Variants in SLC7A2 observed in about 807,000 individuals in gnomAD.
SLC7A2 encodes the protein solute carrier family 7 member 2, also known as cationic amino acid transporter 2.
SLC7A2 carries 48 observed loss-of-function variants against 58.9 expected under a neutral mutation model. The ratio of observed to expected loss-of-function variants is 0.82; its 90% CI spans 0.65 to 1.04. The LOEUF (loss-of-function observed/expected upper bound fraction) is 1.04, where lower values mean the gene tolerates loss of function less well. Among genes scored for constraint, SLC7A2 ranks in the 50% least tolerant of loss-of-function variants. The pLI is 0.00. For synonymous variants in SLC7A2, 363 were observed against 314.5 expected, an observed-to-expected ratio of 1.15 and a Z score of -1.63; for missense variants, 1,029 against 818.8, an observed-to-expected ratio of 1.26 and a Z score of -3.13.
chr8:17,523,844 A>G (rs1157240358), intron 2 of SLC7A2, among the ~76,000 whole-genome samples: 1 of 152,180 alleles, frequency 6.6e-6, no homozygotes, highest in African/African-American at 2.4e-5. Flanking sequence ...AATGGGAGAA[A>G]ACTTTCACAG....
At chr8:17,509,347 G>A (rs944242938) in intron 2 of SLC7A2, among the ~76,000 whole-genome samples, 16 of 151,782 alleles carry the variant, frequency 1.1e-4, no homozygotes, top group East Asian at 9.7e-4. Context: ...TCGCTCTGTC[G>A]CCCGTTGGAG....
intron 2 of SLC7A2, among the ~76,000 whole-genome samples, chr8:17,505,802 A>C (rs895989774): frequency 1.3e-5 from 2 of 152,218 alleles, no homozygotes; most frequent in Admixed American, 1.3e-4. Context: ...TCTTGTAGAA[A>C]TCTCTGAGAT....
chr8:17,534,728 A>G (rs1028327706), intron 2 of SLC7A2, among the ~76,000 whole-genome samples: 2 of 150,078 alleles, frequency 1.3e-5, no homozygotes, highest in Non-Finnish European at 3.0e-5. Context: ...ACAAAACAGT[A>G]CCCTCCTTGC....
At chr8:17,522,446 G>A (rs752559224) in intron 2 of SLC7A2, among the ~76,000 whole-genome samples, 9 of 152,162 alleles carry the variant, frequency 5.9e-5, no homozygotes, top group Non-Finnish European at 1.3e-4. Context: ...AAGCAGGACT[G>A]AACCTGCATC....
At chr8:17,538,407 A>G (rs899223053) in intron 2 of SLC7A2, among the ~76,000 whole-genome samples, 1 of 152,164 alleles carries the variant, frequency 6.6e-6, no homozygotes, top group African/African-American at 2.4e-5. Context: ...GTGTTTTTCC[A>G]GAAAGATTCA....
Position 17,557,790 on chromosome 8 carries a change from T to A in SLC7A2, c.1196-505T>A, listed in dbSNP as rs1802779472. ...TTGCAGTAAGCCGAGATCGCACCAC[T>A]GCACTCCACCCTGGGTGACAAAGTG... On this transcript the variant is annotated intron_variant, in intron 8 of 12. Transcript: ENST00000494857. Among the ~76,000 whole-genome samples the A allele has an allele frequency of 2.0e-5, 3 of 152,120 alleles. No homozygotes were observed. In the South Asian group the frequency reaches 6.2e-4, roughly 31 times the overall value.
intron 8 of SLC7A2, among the ~76,000 whole-genome samples, chr8:17,556,248 A>G (rs1201836372): frequency 1.3e-5 from 2 of 152,128 alleles, no homozygotes; most frequent in Non-Finnish European, 2.9e-5. Flanking sequence ...ATTTTTTGAC[A>G]AAGAGTCATA....
chr8:17,504,302 T>G (rs996561672), intron 2 of SLC7A2, among the ~76,000 whole-genome samples: 2 of 152,188 alleles, frequency 1.3e-5, no homozygotes, highest in African/African-American at 4.8e-5. Context: ...TGAGATCTTG[T>G]GGCTCTCCTG....
intron 8 of SLC7A2, among the ~76,000 whole-genome samples, chr8:17,557,379 G>C (rs918831692): frequency 6.6e-6 from 1 of 152,078 alleles, no homozygotes; most frequent in Admixed American, 6.6e-5. Flanking sequence ...TTGTCTCTTA[G>C]TATTTTGGGA....
At chr8:17,518,062 A>G (rs1399557802) in intron 2 of SLC7A2, among the ~76,000 whole-genome samples, 1 of 152,212 alleles carries the variant, frequency 6.6e-6, no homozygotes, top group Non-Finnish European at 1.5e-5. Context: ...AAGACATAAT[A>G]GGAAAGCAAT....
chr8:17,498,588 T>C (rs553203371), intron 1 of SLC7A2: 2 of 152,380 alleles, frequency 1.3e-5, no homozygotes, highest in African/African-American at 4.8e-5. Context: ...TTGCCTGCTC[T>C]GGGAGGCCAC....
intron 2 of SLC7A2, chr8:17,511,321 T>G (rs1256754108): frequency 2.0e-5 from 3 of 152,194 alleles, no homozygotes; most frequent in Admixed American, 1.3e-4. Flanking sequence ...TCTTCATCCC[T>G]AGTCCTGCAG....
chr8:17,511,288 A>C (rs1800594958), intron 2 of SLC7A2: 1 of 152,192 alleles, frequency 6.6e-6, no homozygotes. Context: ...TATAGAAAAA[A>C]GTTAAGCATT....
chr8:17,505,543 C>T (rs1277650240), intron 2 of SLC7A2, among the ~76,000 whole-genome samples: 1 of 152,152 alleles, frequency 6.6e-6, no homozygotes, highest in East Asian at 1.9e-4. Context: ...TGATCTCCAG[C>T]CTCGCCATCT....
In SLC7A2 at chr8:17,538,898, C is replaced by T. The variant is rs530793445; in HGVS notation, c.-22-4420C>T. On this transcript the variant is annotated intron_variant, in intron 2 of 12. Transcript: ENST00000494857. Reference sequence around the variant, plus strand: ...GGGTTTATTGGAACACCTGCCCCACCGGTTTGCGACAGCAAGTTTCTCCTG... The same window carrying T: ...GGGTTTATTGGAACACCTGCCCCACTGGTTTGCGACAGCAAGTTTCTCCTG... 11 of 1,613,614 alleles carry T rather than the reference C, an allele frequency of 6.8e-6. No individual in the cohort carries two copies. In the African/African-American group the frequency reaches 8.0e-5, roughly 12 times the overall value.
intron 2 of SLC7A2, among the ~76,000 whole-genome samples, chr8:17,511,532 G>T (rs1284334415): frequency 1.3e-5 from 2 of 152,122 alleles, no homozygotes; most frequent in Non-Finnish European, 2.9e-5. Flanking sequence ...TTGACATCCT[G>T]TTATTACATT....
intron 9 of SLC7A2, 141 bp downstream of exon 9, chr8:17,558,538 A>C: frequency 1.9e-6 from 1 of 522,072 alleles, no homozygotes; most frequent in Non-Finnish European, 3.4e-6. Flanking sequence ...ATAGCAATGA[A>C]AAGTGGAAGA....
chr8:17,513,422 C>G (rs1800683161), intron 2 of SLC7A2, among the ~76,000 whole-genome samples: 1 of 152,286 alleles, frequency 6.6e-6, no homozygotes, highest in South Asian at 2.1e-4. Flanking sequence ...AAACCAGAAT[C>G]ATCCACTTTT....
In SLC7A2 at chr8:17,538,437, A is replaced by G. The variant is rs575733244; in HGVS notation, c.-22-4881A>G. Reference sequence around the variant, plus strand: ...GATTCAGGCTTAAGTACTGAATGCCAAGTTTTGTGGTTTCTGTTTTTGCTA... The same window carrying G: ...GATTCAGGCTTAAGTACTGAATGCCGAGTTTTGTGGTTTCTGTTTTTGCTA... On this transcript the variant is annotated intron_variant, in intron 2 of 12. Coordinates refer to ENST00000494857, the MANE Select transcript of SLC7A2 (RefSeq NM_001370338.1). Among the ~76,000 whole-genome samples, 382 of 152,278 alleles carry G rather than the reference A, an allele frequency of 2.5e-3. 1 individual carries two copies. Among genetic ancestry groups the G allele is most frequent in the Admixed American group, 5.3e-3 (81 of 15,294 alleles).
Sources: allele counts gnomAD v4.1 joint callset (sites outside exome capture counted in the v4.1 genomes callset), GRCh38; gene constraint gnomAD v4.1.1; transcripts MANE v1.5; gene names NCBI Gene and HGNC (gene_info 2026-07-23, HGNC 2026-07-21).